The following ABCA8 variants were observed in gnomAD, a reference collection of about 807,000 sequenced individuals.
The protein encoded by ABCA8 is ABC-type organic anion transporter ABCA8.
ABCA8 carries 177 observed loss-of-function variants against 192.3 expected under a neutral mutation model. The observed-to-expected ratio is 0.92, with a 90% confidence interval of 0.81 to 1.04. The LOEUF is 1.04. ABCA8 is among the 50% of genes least tolerant of loss of function. The probability of loss-of-function intolerance (pLI) is 0.00; values close to 1 mark genes in which losing one functional copy is unlikely to be tolerated. For missense variants in ABCA8, 1,915 were observed against 1,904.8 expected (o/e 1.01, Z -0.10); for synonymous variants, 642 against 690.2 (o/e 0.93, Z 1.09).
rs1567830879 is a variant in ABCA8, at chr17:68,887,945, T to TATATATATGGATATATATA, written c.3145-458_3145-440dup. Among the ~76,000 whole-genome samples, 29 of 44,110 alleles carry TATATATATGGATATATATA rather than the reference T, an allele frequency of 6.6e-4. 1 individual carries two copies. Among genetic ancestry groups the TATATATATGGATATATATA allele is most frequent in the African/African-American group, 2.9e-3 (29 of 10,144 alleles). The allele number at this position is 44,110 out of a possible 152,430, so 28.9% of individuals were successfully genotyped here. A position where few individuals can be genotyped will look rare whatever the true frequency, so the allele number is the denominator to read the frequency against. On this transcript the variant is annotated intron_variant, in intron 24 of 39. Transcript: ENST00000586539. ...ATATATTATATATGGATATATATAT[T>TATATATATGGATATATATA]ATATATATGGATATATATACACACA...
At chr17:68,951,143 C>T (rs8065139) in intron 1 of ABCA8, among the ~76,000 whole-genome samples, 9,474 of 152,204 alleles carry the variant, frequency 0.062, 940 homozygotes, top group African/African-American at 0.21. Context: ...GCAGACACCA[C>T]ACTACAAATG....
intron 24 of ABCA8, among the ~76,000 whole-genome samples, chr17:68,890,140 G>A (rs2218350): frequency 0.82 from 125,316 of 152,200 alleles, 52,194 homozygotes; most frequent in East Asian, 1. Flanking sequence ...ATTATTTTGC[G>A]AAGTGATTGT....
Position 68,907,797 on chromosome 17 carries a change from TG to T in ABCA8, c.2220del (p.Ser742AlafsTer11), listed in dbSNP as rs773335444. 3 of 1,610,178 alleles carry T rather than the reference TG, an allele frequency of 1.9e-6. No homozygotes were observed. The Admixed American group carries it at 5.0e-5, about 27-fold the overall frequency. ...KQHIPDAKLS[A>X]KSEGKLIYTL... ...GTATAAATAAGTTTTCCTTCGCTTT[TG>T]GCTGATAATTTGGCATCAGGGATGT... On this transcript the variant is annotated frameshift_variant, in exon 18 of 40. Coordinates refer to ENST00000586539, the MANE Select transcript of ABCA8 (RefSeq NM_001288985.2). LOFTEE classifies it high-confidence loss of function.
At chr17:68,928,270 A>G (rs943458411) in intron 9 of ABCA8, among the ~76,000 whole-genome samples, 2 of 152,250 alleles carry the variant, frequency 1.3e-5, no homozygotes, top group Non-Finnish European at 2.9e-5. Context: ...AGTAATTGCT[A>G]TGATAAAAAT....
chr17:68,954,783 A>T (rs1248447840), intron 1 of ABCA8, among the ~76,000 whole-genome samples: 1 of 152,180 alleles, frequency 6.6e-6, no homozygotes, highest in African/African-American at 2.4e-5. Context: ...CTCTTGGTAA[A>T]CAGTCTTAAA....
In ABCA8 at chr17:68,894,211, A is replaced by G. The variant is rs1036883442; in HGVS notation, c.2998T>C (p.Ser1000Pro). 4 of 1,613,322 alleles carry G rather than the reference A, an allele frequency of 2.5e-6. No individual in the cohort carries two copies. The highest frequency in any genetic ancestry group is 1.1e-5 in the South Asian group (1 of 91,078). Residue 1000 changes from serine to proline, a missense_variant, in exon 23 of 40, where the codon TCA (serine) becomes CCA (proline). By Grantham distance (74) the Ser-to-Pro change is moderately conservative. Coordinates refer to ENST00000586539, the MANE Select transcript of ABCA8 (RefSeq NM_001288985.2). Reference protein sequence around the residue: ...SNGLLGMVKPSVHIRTERSTF... With the variant: ...SNGLLGMVKPPVHIRTERSTF... The stretch of plus-strand genomic sequence containing the variant: ...CTTCTTTCAGTTCGGATATGTACTG[A>G]TGGTTTAACCATTCCAAGTAGCCCA...
chr17:68,902,851 G>C lies in ABCA8; in HGVS notation c.2626C>G (p.Pro876Ala), dbSNP rs750976601. The C allele has an allele frequency of 6.2e-7, 1 of 1,611,810 alleles. No homozygotes were observed. The highest frequency in any genetic ancestry group is 1.1e-5 in the South Asian group (1 of 90,580). ...LLLILMAGFCPLLVEYTMVKI... is the reference protein window; with the variant it reads ...LLLILMAGFCALLVEYTMVKI... ...ACCATGGTATACTCCACAAGAAGAG[G>C]GCAAAATCCAGCCATTAGAATTAAT... is the stretch of plus-strand genomic sequence containing the variant. Residue 876 changes from proline to alanine, a missense_variant, in exon 21 of 40, where the codon CCT (proline) becomes GCT (alanine). Pro to Ala is a conservative substitution (Grantham distance 27). Coordinates refer to ENST00000586539, the MANE Select transcript of ABCA8 (RefSeq NM_001288985.2).
At chr17:68,888,740 A>G (rs1415317783) in intron 24 of ABCA8, among the ~76,000 whole-genome samples, 1 of 152,196 alleles carries the variant, frequency 6.6e-6, no homozygotes, top group Non-Finnish European at 1.5e-5. Context: ...GGGAGTTTGT[A>G]TCAACCTTGG....
intron 17 of ABCA8, among the ~76,000 whole-genome samples, chr17:68,913,924 C>T (rs147265504): frequency 5.3e-5 from 8 of 151,960 alleles, no homozygotes; most frequent in South Asian, 2.1e-4. Context: ...ACTAGCAAAC[C>T]GAATTCAACA....
chr17:68,928,207 C>T (rs2067756655), intron 9 of ABCA8, 144 bp from the exon 10 acceptor site: 5 of 596,110 alleles, frequency 8.4e-6, no homozygotes, highest in Non-Finnish European at 1.3e-5. Context: ...CTTTATGGTT[C>T]TCAAATCTAT....
intron 5 of ABCA8, 135 bp downstream of exon 5, chr17:68,936,815 TA>T: frequency 1.5e-6 from 1 of 678,934 alleles, no homozygotes; most frequent in Non-Finnish European, 2.2e-6. Context: ...AATTTTTTTT[TA>T]AATGTTGAGG....
chr17:68,888,010 A>T (rs1028959265), intron 24 of ABCA8, among the ~76,000 whole-genome samples: 3 of 144,126 alleles, frequency 2.1e-5, no homozygotes, highest in Non-Finnish European at 4.5e-5. Context: ...ATATATATGG[A>T]TATATATATG....
Position 68,882,594 on chromosome 17 carries a change from T to C in ABCA8, c.3828+5A>G, listed in dbSNP as rs2066362599. ...TAATAAAAAAACCTTTGTGTTATGT[T>C]TTACCTCATCAAAATTAGTAGAATT... On this transcript the variant is annotated splice_donor_5th_base_variant and intron_variant, in intron 30 of 39. Coordinates refer to ENST00000586539, the MANE Select transcript of ABCA8 (RefSeq NM_001288985.2). The C allele has an allele frequency of 6.2e-7, 1 of 1,610,450 alleles. No homozygotes were observed. The highest frequency in any genetic ancestry group is 1.3e-5 in the African/African-American group (1 of 74,848).
intron 2 of ABCA8, among the ~76,000 whole-genome samples, chr17:68,945,547 T>C (rs2068375310): frequency 6.6e-6 from 1 of 152,188 alleles, no homozygotes; most frequent in Admixed American, 6.5e-5. Flanking sequence ...TAAATGCACA[T>C]TCCTTCATAT....
chr17:68,942,463 T>C (rs1258933846), intron 2 of ABCA8, among the ~76,000 whole-genome samples: 5 of 152,162 alleles, frequency 3.3e-5, no homozygotes, highest in African/African-American at 1.2e-4. Flanking sequence ...TAGAATGTAT[T>C]TTTCCCCACT....
intron 21 of ABCA8, among the ~76,000 whole-genome samples, chr17:68,898,206 T>G (rs2066815114): frequency 6.6e-6 from 1 of 152,162 alleles, no homozygotes; most frequent in Non-Finnish European, 1.5e-5. Flanking sequence ...TTCAGCCAAG[T>G]ATTTTATATT....
intron 30 of ABCA8, 90 bp from the exon 31 acceptor site, chr17:68,882,070 T>G: frequency 9.1e-7 from 1 of 1,101,974 alleles, no homozygotes; most frequent in Non-Finnish European, 1.4e-6. Context: ...CTGGACCCTT[T>G]GTTGCCCCAG....
intron 16 of ABCA8, among the ~76,000 whole-genome samples, chr17:68,917,691 T>C (rs939055596): frequency 1.3e-5 from 2 of 152,214 alleles, no homozygotes; most frequent in East Asian, 1.9e-4. Flanking sequence ...TATAGAAAAT[T>C]ATCCCATTAT....
rs749348952 is a variant in ABCA8 at position 68,902,895 on chromosome 17, T to C, written c.2598-16A>G. On this transcript the variant is annotated splice_polypyrimidine_tract_variant and intron_variant, in intron 20 of 39. Transcript: ENST00000586539. ...AATTAATAGCCTACACAAAAGAAAA[T>C]TGCCAAAATGAATGCAATGTCATTT... The C allele has an allele frequency of 1.3e-5, 21 of 1,600,720 alleles. No individual in the cohort carries two copies. In the African/African-American group the frequency reaches 2.7e-4, roughly 20 times the overall value.
Sources: gnomAD v4.1 joint callset for allele counts (sites outside exome capture counted in the v4.1 genomes callset) on GRCh38, gnomAD v4.1.1 for gene constraint, MANE v1.5 for transcripts, NCBI Gene and HGNC (gene_info 2026-07-23, HGNC 2026-07-21) for gene names.